COL6A3: variants seen among roughly 807,000 people sequenced by gnomAD.
The protein encoded by COL6A3 is collagen type VI alpha 3 chain.
Under a neutral mutation model 274.1 loss-of-function variants are expected in COL6A3, and 137 were observed. The observed-to-expected ratio is 0.50, with a 90% CI of 0.44 to 0.58. The LOEUF (loss-of-function observed/expected upper bound fraction) is 0.58, where lower values mean the gene tolerates loss of function less well. Ranked by LOEUF, COL6A3 falls within the 20% of genes least tolerant of loss-of-function variation. COL6A3 has a pLI of 0.00. For missense variants in COL6A3, 3,950 were observed against 4,124.9 expected (o/e 0.96, Z 1.16); for synonymous variants, 1,650 against 1,650.6 (o/e 1.00, Z 0.01).
At position 237,340,507 on chromosome 2, in the gene COL6A3, C is replaced by G; in HGVS notation, c.8409G>C (p.Glu2803Asp). The G allele has an allele frequency of 6.2e-7, 1 of 1,614,114 alleles. No individual in the cohort carries two copies. The highest frequency in any genetic ancestry group is 1.1e-5 in the South Asian group (1 of 91,076). Residue 2803 changes from glutamate to aspartate, a missense_variant, in exon 38 of 44, where the codon GAG becomes GAC. Physicochemically the swap from Glu to Asp is conservative, Grantham distance 45 (BLOSUM62 2). This residue lies in a region of COL6A3 where 1,284 missense variants were observed against 1,349.7 expected (regional missense o/e 0.95). Coordinates refer to ENST00000295550, the MANE Select transcript of COL6A3 (RefSeq NM_004369.4). Reference protein sequence around the residue: ...VFFKLVDKSTELNEEPLMRFG... With the variant: ...VFFKLVDKSTDLNEEPLMRFG... ...AGCGCATCAAAGGCTCCTCGTTGAG[C>G]TCGGTGGACTTGTCCACTAATTTGA...
rs570233756 is a variant in COL6A3, at chr2:237,377,267, G to A, written c.2575C>T (p.Leu859Phe). 1 of 1,607,726 alleles carries A rather than the reference G, an allele frequency of 6.2e-7. No individual in the cohort carries two copies. Among genetic ancestry groups the A allele is most frequent in the African/African-American group, 1.3e-5 (1 of 75,026 alleles). ...VGQFPVVRDF[L>F]YKIIDELNVK... is the part of the protein sequence containing the mutation. ...TTGAGCTCATCGATAATCTTGTAGA[G>A]AAAGTCACGGACAACAGGGAACTGG... The change falls in exon 7 of 44, where the codon CTC (leucine) becomes TTC (phenylalanine). Residue 859 changes from leucine (L) to phenylalanine (F), a missense_variant. By Grantham distance (22) the Leu-to-Phe change is conservative. Transcript: ENST00000295550.
rs1003577770 is a variant in COL6A3 at position 237,371,389 on chromosome 2, G to T, written c.4285+343C>A. On this transcript the variant is annotated intron_variant, in intron 9 of 43. Transcript: ENST00000295550. This position sits in a 1 kb window ranked among gnomAD's most constrained non-coding sequence, Gnocchi z 4.3. ...CAGCAGGTGGATCACTTGAGCTCAG[G>T]GGCTTGAGACCAGCCTGGCCAACAT... Among the ~76,000 whole-genome samples, 26 of 152,172 alleles carry T rather than the reference G, an allele frequency of 1.7e-4. No homozygotes were observed. Among genetic ancestry groups the T allele is most frequent in the Middle Eastern group, 6.8e-3 (2 of 294 alleles).
intron 1 of COL6A3, among the ~76,000 whole-genome samples, chr2:237,410,873 T>C (rs2078840234): frequency 6.6e-6 from 1 of 152,218 alleles, no homozygotes; most frequent in African/African-American, 2.4e-5. Flanking sequence ...AGAGAAGCTG[T>C]ATCTAGAAAC....
Position 237,361,563 on chromosome 2 carries a change from C to T in COL6A3, c.6156+176G>A, listed in dbSNP as rs982102837. Among the ~76,000 whole-genome samples, 50 of 152,160 alleles carry T rather than the reference C, an allele frequency of 3.3e-4. No homozygotes were observed. Among genetic ancestry groups the T allele is most frequent in the Non-Finnish European group, 1.0e-4 (7 of 68,026 alleles). ...CCTGAACCATCTTCACTGGAACAGG[C>T]CCCAGCAGAACAGCACGCAGGTCTG... On this transcript the variant is annotated intron_variant, in intron 15 of 43. Coordinates refer to ENST00000295550, the MANE Select transcript of COL6A3 (RefSeq NM_004369.4). This position sits in a 1 kb window ranked among gnomAD's most constrained non-coding sequence, Gnocchi z 5.1.
intron 7 of COL6A3, 116 bp downstream of exon 7, chr2:237,376,656 A>T: frequency 9.7e-7 from 1 of 1,026,510 alleles, no homozygotes; most frequent in Non-Finnish European, 1.5e-6. Context: ...TTAATTTTCC[A>T]CCTTTCCTGT....
intron 1 of COL6A3, among the ~76,000 whole-genome samples, chr2:237,402,077 G>A: frequency 6.6e-6 from 1 of 152,106 alleles, no homozygotes; most frequent in East Asian, 1.9e-4. Flanking sequence ...CTACAACATG[G>A]ATGAATCTTG....
intron 1 of COL6A3, among the ~76,000 whole-genome samples, chr2:237,404,101 AT>A (rs1036777623): frequency 1.3e-5 from 2 of 151,592 alleles, no homozygotes; most frequent in Non-Finnish European, 2.9e-5. Flanking sequence ...TTGAGCGTCA[AT>A]TTTTTTTTAG....
chr2:237,332,212 G>A (rs978305506), intron 42 of COL6A3, among the ~76,000 whole-genome samples: 1 of 147,574 alleles, frequency 6.8e-6, no homozygotes, highest in Non-Finnish European at 1.5e-5. Context: ...TGTCCCTTTT[G>A]GACCACACAT....
At position 237,395,112 on chromosome 2, in the gene COL6A3, GA is replaced by G. The variant is rs764524653; in HGVS notation, c.183del (p.Leu62TyrfsTer5). ...GEEHFQLVREFLYDVVKSLAV... is the reference protein window; with the variant it reads ...GEEHFQLVREXLYDVVKSLAV... Reference sequence around the variant, plus strand: ...GCTAAGGATTTTACAACATCATATAGAAACTCTCGAACAAGTTGGAAATGTT... The same window carrying G: ...GCTAAGGATTTTACAACATCATATAGAACTCTCGAACAAGTTGGAAATGTT... On this transcript the variant is annotated frameshift_variant, in exon 3 of 44. Coordinates refer to ENST00000295550, the MANE Select transcript of COL6A3 (RefSeq NM_004369.4). LOFTEE classifies it high-confidence loss of function. The G allele has an allele frequency of 6.2e-7, 1 of 1,614,010 alleles. No individual in the cohort carries two copies. The highest frequency in any genetic ancestry group is 2.2e-5 in the East Asian group (1 of 44,888).
Position 237,379,151 on chromosome 2 carries a change from A to G in COL6A3, c.1982T>C (p.Phe661Ser), listed in dbSNP as rs1156374449. 3 of 1,614,258 alleles carry G rather than the reference A, an allele frequency of 1.9e-6. No individual in the cohort carries two copies. Among genetic ancestry groups the G allele is most frequent in the Non-Finnish European group, 2.5e-6 (3 of 1,180,044 alleles). ...GKTNFPYVRD[F>S]VMNLVNSLDI... ...AAGGCTGTTAACTAGGTTCATTACA[A>G]AGTCGCGCACATAAGGGAAATTGGT... Residue 661 changes from phenylalanine (F) to serine (S), a missense_variant, in exon 6 of 44, where the codon TTT (phenylalanine) becomes TCT (serine). Coordinates refer to ENST00000295550, the MANE Select transcript of COL6A3 (RefSeq NM_004369.4).
Position 237,358,540 on chromosome 2 carries a change from A to G in COL6A3, c.6452T>C (p.Val2151Ala), listed in dbSNP as rs540633944. 32 of 1,614,106 alleles carry G rather than the reference A, an allele frequency of 2.0e-5. 2 individuals carry two copies. In the Middle Eastern group the frequency reaches 5.0e-4, roughly 25 times the overall value. The change falls in exon 21 of 44, where the codon GTT becomes GCT. Residue 2151 changes from valine to alanine, a missense_variant. Around this residue, in one of 5 missense-constraint regions of COL6A3, gnomAD observed 1,284 missense variants for 1,349.7 expected, o/e 0.95. Transcript: ENST00000295550. ...PRGEKGERGD[V>A]GIRGDPGNPG... is the part of the protein sequence containing the mutation. ...CTTTACCGGGTCCCCTCGAATCCCAACATCTCCTCTTTCTCCTTTCTCTCC... is the reference window on the plus strand; with the variant it reads ...CTTTACCGGGTCCCCTCGAATCCCAGCATCTCCTCTTTCTCCTTTCTCTCC...
intron 28 of COL6A3, 144 bp downstream of exon 28, chr2:237,350,003 G>T: frequency 1.2e-6 from 1 of 844,844 alleles, no homozygotes; most frequent in Admixed American, 1.8e-5. Flanking sequence ...ATTTGCCGCA[G>T]ATGAGCAAGT....
In COL6A3 at chr2:237,368,425, C is replaced by T; in HGVS notation, c.4900+138G>A. 9.2e-7 allele frequency: 1 copy of T among 1,086,750 alleles called. No homozygotes were observed. The highest frequency in any genetic ancestry group is 1.3e-6 in the Non-Finnish European group (1 of 770,910). 67.3% of individuals were successfully genotyped at this position (1,086,750 alleles called of 1,614,324 possible). ...TGCAATTTCAATGGAACTACTTTTC[C>T]AGTATTTAATTTCTAATATTATCTG... On this transcript the variant is annotated intron_variant, in intron 10 of 43. Coordinates refer to ENST00000295550, the MANE Select transcript of COL6A3 (RefSeq NM_004369.4). This position sits in a 1 kb window ranked among gnomAD's most constrained non-coding sequence, Gnocchi z 4.4.
Position 237,395,148 on chromosome 2 carries a change from T to C in COL6A3, c.148A>G (p.Ile50Val). The C allele has an allele frequency of 6.2e-7, 1 of 1,613,808 alleles. No homozygotes were observed. Among genetic ancestry groups the C allele is most frequent in the South Asian group, 1.1e-5 (1 of 91,070 alleles). Residue 50 changes from isoleucine (I) to valine (V), a missense_variant, in exon 3 of 44, where the codon ATT becomes GTT. Physicochemically the swap from Ile to Val is conservative, Grantham distance 29. This residue lies in a region of COL6A3 where 1,934 missense variants were observed against 1,984.3 expected (regional missense o/e 0.97). Transcript: ENST00000295550. ...ACAAGTTGGAAATGTTCCTCTCCAA[T>C]GGTCCAAGAGGAATCCACTAGAAAT... The part of the protein sequence containing the change: ...IIFLVDSSWT[I>V]GEEHFQLVRE...
intron 24 of COL6A3, 23 bp downstream of exon 24, chr2:237,354,875 CA>C (rs1374809010): frequency 6.2e-7 from 1 of 1,611,142 alleles, no homozygotes; most frequent in African/African-American, 1.3e-5. Context: ...AGAGAGTCTC[CA>C]GGGGGCACTG....
At position 237,361,108 on chromosome 2, in the gene COL6A3, A is replaced by C. The variant is rs1224963186; in HGVS notation, c.6210+13T>G. On this transcript the variant is annotated intron_variant, in intron 16 of 43. Transcript: ENST00000295550. The surrounding 1 kb of genome is among the most constrained non-coding windows in gnomAD (Gnocchi z 5.1). ...GGGGTGAAATTTTAGGGACTAAAAC[A>C]ATTTTTACTTACGGGTCCACCCTCA... 6.2e-7 allele frequency: 1 copy of C among 1,613,150 alleles called. No individual in the cohort carries two copies. Among genetic ancestry groups the C allele is most frequent in the African/African-American group, 1.3e-5 (1 of 74,920 alleles).
intron 26 of COL6A3, 91 bp from the exon 27 acceptor site, chr2:237,351,283 C>G: frequency 8.2e-7 from 1 of 1,223,462 alleles, no homozygotes; most frequent in Admixed American, 1.7e-5. Context: ...GCATGGAAGT[C>G]AGAGCCCGCC....
chr2:237,345,273 G>T, intron 32 of COL6A3, 60 bp from the exon 33 acceptor site: 2 of 1,556,436 alleles, frequency 1.3e-6, no homozygotes, highest in East Asian at 4.5e-5. Context: ...GAATAAACAG[G>T]CTTTGGCCCC....
intron 1 of COL6A3, among the ~76,000 whole-genome samples, chr2:237,401,429 G>A (rs1246533919): frequency 6.6e-6 from 1 of 150,816 alleles, no homozygotes; most frequent in Non-Finnish European, 1.5e-5. Context: ...TTTCTTCCTT[G>A]GTTAAGTATA....
Sources: allele counts gnomAD v4.1 joint callset (sites outside exome capture counted in the v4.1 genomes callset), GRCh38; gene constraint gnomAD v4.1.1; regional missense constraint gnomAD v4.1.1; non-coding constraint Gnocchi (gnomAD v3.1); transcripts MANE v1.5; gene names NCBI Gene and HGNC (gene_info 2026-07-23, HGNC 2026-07-21).